The following CSMD3 variants were observed in gnomAD, a reference collection of about 807,000 sequenced individuals.
The protein encoded by CSMD3 is CUB and Sushi multiple domains 3.
A neutral mutation model predicts 435.2 loss-of-function variants in CSMD3; 177 were observed. The ratio of observed to expected loss-of-function variants is 0.41; its 90% CI spans 0.36 to 0.46. The LOEUF is 0.46. CSMD3 is among the 20% of genes least tolerant of loss of function. The probability of loss-of-function intolerance (pLI) is 0.34; values close to 1 mark genes in which losing one functional copy is unlikely to be tolerated. For synonymous variants in CSMD3, 1,656 were observed against 1,520.5 expected (o/e 1.09, Z -2.07); for missense variants, 4,265 against 4,504.6 (o/e 0.95, Z 1.52).
intron 1 of CSMD3, among the ~76,000 whole-genome samples, chr8:113,343,538 GA>G (rs1357123594): frequency 2.6e-5 from 4 of 152,224 alleles, no homozygotes; most frequent in African/African-American, 9.6e-5. Flanking sequence ...GTGCCTTTGA[GA>G]CAGAAAAATA....
At chr8:112,398,910 T>G (rs1418203869) in intron 35 of CSMD3, among the ~76,000 whole-genome samples, 1 of 151,936 alleles carries the variant, frequency 6.6e-6, no homozygotes, top group Admixed American at 6.6e-5. Flanking sequence ...AAACGTTACT[T>G]GATTAAACTC....
At chr8:112,951,550 TCAAA>T (rs942515758) in intron 8 of CSMD3, among the ~76,000 whole-genome samples, 11 of 151,856 alleles carry the variant, frequency 7.2e-5, no homozygotes, top group Non-Finnish European at 1.3e-4. Flanking sequence ...TTTTCTGAAC[TCAAA>T]CAACACTGAT....
At chr8:113,101,864 A>T (rs2090340635) in intron 4 of CSMD3, among the ~76,000 whole-genome samples, 2 of 152,134 alleles carry the variant, frequency 1.3e-5, no homozygotes, top group African/African-American at 4.8e-5. Context: ...ATGTTAGATT[A>T]AAAAAAATTT....
chr8:113,320,213 T>C (rs571281049), intron 1 of CSMD3, among the ~76,000 whole-genome samples: 41 of 152,190 alleles, frequency 2.7e-4, no homozygotes, highest in African/African-American at 5.3e-4. Flanking sequence ...AACTTTTTCA[T>C]AGATTCGTGT....
chr8:113,335,690 G>C (rs1346503113), intron 1 of CSMD3, among the ~76,000 whole-genome samples: 9 of 151,632 alleles, frequency 5.9e-5, no homozygotes, highest in African/African-American at 2.4e-5. Context: ...TGTGAGTAAA[G>C]TGTTCTATAA....
At chr8:113,024,516 T>A in intron 5 of CSMD3, among the ~76,000 whole-genome samples, 1 of 152,194 alleles carries the variant, frequency 6.6e-6, no homozygotes, top group East Asian at 1.9e-4. Context: ...TTTTTAATTT[T>A]TTGAGGAACA....
chr8:112,533,576 AAT>A (rs201571891), intron 27 of CSMD3, among the ~76,000 whole-genome samples: 1 of 151,756 alleles, frequency 6.6e-6, no homozygotes, highest in African/African-American at 2.4e-5. Flanking sequence ...AACAATCATA[AAT>A]ATATATATAT....
chr8:112,852,313 T>C (rs919929117), intron 11 of CSMD3, among the ~76,000 whole-genome samples: 1 of 152,070 alleles, frequency 6.6e-6, no homozygotes, highest in Non-Finnish European at 1.5e-5. Context: ...AAAATATCAG[T>C]TTAGGACTGA....
intron 50 of CSMD3, among the ~76,000 whole-genome samples, chr8:112,309,397 A>G (rs1363712477): frequency 1.3e-5 from 2 of 151,814 alleles, no homozygotes; most frequent in African/African-American, 2.4e-5. Context: ...AAAGTTTAAA[A>G]TTAAAAACAA....
At chr8:112,492,847 T>C (rs1820835829) in intron 30 of CSMD3, among the ~76,000 whole-genome samples, 164 bp from the exon 31 acceptor site, 1 of 152,182 alleles carries the variant, frequency 6.6e-6, no homozygotes, top group South Asian at 2.1e-4. Flanking sequence ...CATTACTCCC[T>C]AAATAACATA....
chr8:112,907,544 A>T (rs1193447081), intron 10 of CSMD3, among the ~76,000 whole-genome samples: 1 of 151,272 alleles, frequency 6.6e-6, no homozygotes, highest in East Asian at 2.0e-4. Flanking sequence ...ACTACAGAAA[A>T]GAAATTAAAG....
At chr8:112,451,868 G>A (rs1296629313) in intron 32 of CSMD3, among the ~76,000 whole-genome samples, 3 of 151,968 alleles carry the variant, frequency 2.0e-5, no homozygotes, top group Admixed American at 6.6e-5. Flanking sequence ...ATTTAATGGT[G>A]TTTTATTTCA....
chr8:112,593,453 T>G (rs924506730), intron 22 of CSMD3, among the ~76,000 whole-genome samples: 1 of 152,144 alleles, frequency 6.6e-6, no homozygotes, highest in Non-Finnish European at 1.5e-5. Context: ...GAGAAGACAA[T>G]GAGTGGCTTT....
chr8:112,647,420 G>A (rs2075012070), intron 19 of CSMD3, among the ~76,000 whole-genome samples: 1 of 151,416 alleles, frequency 6.6e-6, no homozygotes, highest in Non-Finnish European at 1.5e-5. Flanking sequence ...TCCTGCCTCA[G>A]CCCCTCCACC....
intron 35 of CSMD3, among the ~76,000 whole-genome samples, chr8:112,398,865 T>C (rs1831075477): frequency 6.6e-6 from 1 of 152,188 alleles, no homozygotes; most frequent in Non-Finnish European, 1.5e-5. Context: ...TTCTAGCTTC[T>C]ACTGAGATTG....
intron 25 of CSMD3, among the ~76,000 whole-genome samples, chr8:112,553,420 C>T (rs1490533818): frequency 3.3e-5 from 5 of 151,976 alleles, no homozygotes; most frequent in African/African-American, 4.8e-5. Flanking sequence ...AGTGATTTTA[C>T]GTCAGTGAAC....
chr8:113,301,879 G>A (rs936252030), intron 2 of CSMD3, among the ~76,000 whole-genome samples: 2 of 151,908 alleles, frequency 1.3e-5, no homozygotes, highest in African/African-American at 2.4e-5. Flanking sequence ...TGTATGTCAC[G>A]TTTTAACAGA....
At chr8:113,204,109 A>G (rs1563542539) in intron 3 of CSMD3, among the ~76,000 whole-genome samples, 1 of 152,144 alleles carries the variant, frequency 6.6e-6, no homozygotes, top group Non-Finnish European at 1.5e-5. Context: ...ATGAAGAGGT[A>G]GGTATCTTAG....
chr8:112,586,013 T>C (rs1481596797), intron 23 of CSMD3, among the ~76,000 whole-genome samples: 2 of 151,706 alleles, frequency 1.3e-5, no homozygotes, highest in African/African-American at 2.4e-5. Context: ...ATGCATATAT[T>C]GATCCTAGAT....
Sources: gnomAD v4.1 joint callset for allele counts (sites outside exome capture counted in the v4.1 genomes callset) on GRCh38, gnomAD v4.1.1 for gene constraint, MANE v1.5 for transcripts, NCBI Gene and HGNC (gene_info 2026-07-23, HGNC 2026-07-21) for gene names.